XYLT1: variants seen among roughly 807,000 people sequenced by gnomAD.
XYLT1 encodes the protein xylosyltransferase 1.
Under a neutral mutation model 91.3 loss-of-function variants are expected in XYLT1, and 36 were observed. The ratio of observed to expected loss-of-function variants is 0.39; its 90% confidence interval spans 0.30 to 0.52. The LOEUF (loss-of-function observed/expected upper bound fraction) is 0.52. Ranked by LOEUF, XYLT1 falls within the 20% of genes least tolerant of loss-of-function variation. The probability of loss-of-function intolerance (pLI) is 0.68; values close to 1 mark genes in which losing one functional copy is unlikely to be tolerated. For synonymous variants in XYLT1, 588 were observed against 532.0 expected, an observed-to-expected ratio of 1.11 and a Z score of -1.45; for missense variants, 1,242 against 1,284.5, an observed-to-expected ratio of 0.97 and a Z score of 0.51.
intron 1 of XYLT1, among the ~76,000 whole-genome samples, chr16:17,469,161 GCA>G (rs1274701106): frequency 6.6e-6 from 1 of 152,202 alleles, no homozygotes; most frequent in Non-Finnish European, 1.5e-5. Context: ...AGAAAGGGTC[GCA>G]CAGACTCCGA....
Position 17,313,447 on chromosome 16 carries a change from T to C in XYLT1, c.402+44565A>G, listed in dbSNP as rs1002118. Among the ~76,000 whole-genome samples, 912 of 152,296 alleles carry C rather than the reference T, an allele frequency of 6.0e-3. 7 individuals carry two copies. The highest frequency in any genetic ancestry group is 0.021 in the African/African-American group (859 of 41,558). ...GACAAGGCCCCCCTTTCCTGCTGACTTTTATGGAGTGTTGGGCTCCTTGGA... is the reference window on the plus strand; with the variant it reads ...GACAAGGCCCCCCTTTCCTGCTGACCTTTATGGAGTGTTGGGCTCCTTGGA... On this transcript the variant is annotated intron_variant, in intron 2 of 11. Transcript: ENST00000261381.
chr16:17,417,018 A>G (rs2036188008), intron 1 of XYLT1, among the ~76,000 whole-genome samples: 1 of 152,104 alleles, frequency 6.6e-6, no homozygotes, highest in Non-Finnish European at 1.5e-5. Flanking sequence ...CCAGGACTAC[A>G]CTTAACAGTT....
At chr16:17,271,303 A>G (rs1186241734) in intron 2 of XYLT1, among the ~76,000 whole-genome samples, 3 of 152,070 alleles carry the variant, frequency 2.0e-5, no homozygotes, top group Non-Finnish European at 4.4e-5. Flanking sequence ...TCCAGAGAGA[A>G]AGGGGGTGTG....
chr16:17,465,538 ATTTTTTGTGTT>A (rs1422111584), intron 1 of XYLT1, among the ~76,000 whole-genome samples: 1 of 98,950 alleles, frequency 1.0e-5, no homozygotes, highest in Non-Finnish European at 2.0e-5. Flanking sequence ...CTTCCTGGAA[ATTTTTTGTGTT>A]TTTTTTTGGG....
intron 1 of XYLT1, among the ~76,000 whole-genome samples, chr16:17,414,990 A>C (rs1455493846): frequency 6.6e-6 from 1 of 151,848 alleles, no homozygotes; most frequent in African/African-American, 2.4e-5. Flanking sequence ...AAACGATCAC[A>C]CCCTTTATTC....
chr16:17,125,882 A>C (rs565575803), intron 10 of XYLT1, among the ~76,000 whole-genome samples: 14 of 152,316 alleles, frequency 9.2e-5, no homozygotes, highest in African/African-American at 3.1e-4. Context: ...GACTACCTGC[A>C]GAAAGAATGA....
chr16:17,192,397 C>A (rs2032333805), intron 5 of XYLT1, among the ~76,000 whole-genome samples: 1 of 152,190 alleles, frequency 6.6e-6, no homozygotes, highest in Non-Finnish European at 1.5e-5. Flanking sequence ...CCACCACACC[C>A]AGCCGAGGTC....
chr16:17,112,162 C>T (rs146264121), intron 11 of XYLT1, among the ~76,000 whole-genome samples: 128 of 152,284 alleles, frequency 8.4e-4, no homozygotes, highest in African/African-American at 2.7e-3. Flanking sequence ...ATGTGGGAAA[C>T]GCTATTACAA....
chr16:17,394,436 C>T (rs1225387642), intron 1 of XYLT1, among the ~76,000 whole-genome samples: 2 of 152,204 alleles, frequency 1.3e-5, no homozygotes, highest in Non-Finnish European at 2.9e-5. Context: ...TTTCATTCTG[C>T]TCTCTCAGAG....
chr16:17,138,348 G>GTCTC lies in XYLT1; in HGVS notation c.1764+3_1764+6dup. On this transcript the variant is annotated splice_region_variant and intron_variant, in intron 8 of 11. Transcript: ENST00000261381. ...TAGGAGGCTGGCAGACCATGAGAAAGTCTCACCTGGAAGCGGTGGAAGTCC... is the reference window on the plus strand; with the variant it reads ...TAGGAGGCTGGCAGACCATGAGAAAGTCTCTCTCACCTGGAAGCGGTGGAAGTCC... 1.2e-6 allele frequency: 2 copies of GTCTC among 1,607,958 alleles called. No individual in the cohort carries two copies. The highest frequency in any genetic ancestry group is 2.2e-5 in the South Asian group (2 of 90,990).
chr16:17,309,202 C>T (rs531323408), intron 2 of XYLT1, among the ~76,000 whole-genome samples: 1 of 152,244 alleles, frequency 6.6e-6, no homozygotes, highest in Admixed American at 6.5e-5. Flanking sequence ...CTGTCCTATG[C>T]AGTGTAGGAT....
chr16:17,299,581 C>T (rs911283957), intron 2 of XYLT1, among the ~76,000 whole-genome samples: 2 of 152,208 alleles, frequency 1.3e-5, no homozygotes, highest in East Asian at 1.9e-4. Flanking sequence ...CCTTCCACCT[C>T]GCTTCTCTAG....
chr16:17,334,123 AC>A (rs1596487386), intron 2 of XYLT1, among the ~76,000 whole-genome samples: 1 of 152,324 alleles, frequency 6.6e-6, no homozygotes, highest in East Asian at 1.9e-4. Context: ...AGCAACCCTC[AC>A]CAGACCCCAA....
chr16:17,383,315 C>T (rs535995679), intron 1 of XYLT1, among the ~76,000 whole-genome samples: 10 of 151,952 alleles, frequency 6.6e-5, no homozygotes, highest in East Asian at 4.0e-4. Context: ...CAATTCAAGA[C>T]GTTTTATTGG....
rs79626122 is a variant in XYLT1, at chr16:17,140,743, C to T, written c.1587+410G>A. 4.1e-3 allele frequency among the ~76,000 whole-genome samples: 609 copies of T among 148,386 alleles called. 3 individuals carry two copies. The highest frequency in any genetic ancestry group is 0.014 in the African/African-American group (574 of 40,090). On this transcript the variant is annotated intron_variant, in intron 7 of 11. Coordinates refer to ENST00000261381, the MANE Select transcript of XYLT1 (RefSeq NM_022166.4). The stretch of plus-strand genomic sequence containing the variant: ...TCAGCATATACAGTTGTGCAGGTTA[C>T]ACACTACATACCTTTTAGGGGTGCC...
intron 1 of XYLT1, among the ~76,000 whole-genome samples, chr16:17,391,896 C>T (rs1383333094): frequency 6.6e-6 from 1 of 152,136 alleles, no homozygotes; most frequent in Non-Finnish European, 1.5e-5. Context: ...TCTCTGTTGC[C>T]TGCCTCTACG....
At chr16:17,170,803 C>T (rs565323932) in intron 5 of XYLT1, among the ~76,000 whole-genome samples, 8 of 152,254 alleles carry the variant, frequency 5.3e-5, no homozygotes, top group East Asian at 1.9e-4. Context: ...GTCTTCCTAA[C>T]GCACCTACAC....
chr16:17,199,455 C>T (rs1351866722), intron 4 of XYLT1, among the ~76,000 whole-genome samples: 1 of 152,186 alleles, frequency 6.6e-6, no homozygotes, highest in Non-Finnish European at 1.5e-5. Context: ...AAAATATGTA[C>T]TATCTTGCCT....
intron 1 of XYLT1, among the ~76,000 whole-genome samples, chr16:17,379,422 C>T (rs934519401): frequency 3.3e-5 from 5 of 152,232 alleles, no homozygotes; most frequent in Non-Finnish European, 7.3e-5. Flanking sequence ...GTGAGGCCAG[C>T]CCAGCCTGCC....
Sources: allele counts gnomAD v4.1 joint callset (sites outside exome capture counted in the v4.1 genomes callset), GRCh38; gene constraint gnomAD v4.1.1; transcripts MANE v1.5; gene names NCBI Gene and HGNC (gene_info 2026-07-23, HGNC 2026-07-21).